The following TAF4B variants were observed in gnomAD, a reference collection of about 807,000 sequenced individuals.
The protein encoded by TAF4B is TATA-box binding protein associated factor 4b.
Under a neutral mutation model 86.4 loss-of-function variants are expected in TAF4B, and 38 were observed. The ratio of observed to expected loss-of-function variants is 0.44; its 90% CI spans 0.34 to 0.58. The LOEUF is 0.58. Among genes scored for constraint, TAF4B ranks in the 20% least tolerant of loss-of-function variants. The pLI is 0.02. For missense variants in TAF4B, 988 were observed against 1,027.6 expected, an observed-to-expected ratio of 0.96 and a Z score of 0.53; for synonymous variants, 388 against 391.2, an observed-to-expected ratio of 0.99 and a Z score of 0.10.
rs775351522 is a variant in TAF4B, at chr18:26,321,178, A to G, written c.2111A>G (p.Gln704Arg). 1.1e-5 allele frequency: 18 copies of G among 1,613,716 alleles called. No homozygotes were observed. In the Admixed American group the frequency reaches 1.8e-4, roughly 16 times the overall value. ...GLLEKLTAIA[Q>R]HRMTTYKASE... The stretch of plus-strand genomic sequence containing the variant: ...CTAGAAAAACTGACTGCAATTGCTC[A>G]GCATCGAATGACTACTTACAAGGTA... Residue 704 changes from glutamine to arginine, a missense_variant, in exon 11 of 15, where the codon CAG (glutamine) becomes CGG (arginine). Coordinates refer to ENST00000269142, the MANE Select transcript of TAF4B (RefSeq NM_005640.3).
chr18:26,301,820 T>C (rs7243169), intron 9 of TAF4B, among the ~76,000 whole-genome samples: 12,945 of 152,208 alleles, frequency 0.085, 1,680 homozygotes, highest in African/African-American at 0.28. Flanking sequence ...CTTGTCTCTC[T>C]CTCTCCTCAT....
chr18:26,250,205 A>T (rs770565172), intron 1 of TAF4B, among the ~76,000 whole-genome samples: 1 of 152,058 alleles, frequency 6.6e-6, no homozygotes, highest in South Asian at 2.1e-4. Context: ...AGCTAATTAT[A>T]AAAATTTTTG....
intron 1 of TAF4B, among the ~76,000 whole-genome samples, chr18:26,244,722 C>G (rs1338701011): frequency 6.6e-6 from 1 of 152,120 alleles, no homozygotes; most frequent in Non-Finnish European, 1.5e-5. Context: ...GAAATTTATA[C>G]TAGAAATTAT....
intron 1 of TAF4B, among the ~76,000 whole-genome samples, chr18:26,234,412 C>A (rs1156582405): frequency 6.6e-6 from 1 of 152,232 alleles, no homozygotes; most frequent in Non-Finnish European, 1.5e-5. Flanking sequence ...CCCTTTCTTT[C>A]CGTATTGCAG....
chr18:26,252,441 C>T (rs1330894254), intron 1 of TAF4B, among the ~76,000 whole-genome samples: 2 of 152,152 alleles, frequency 1.3e-5, no homozygotes, highest in Non-Finnish European at 2.9e-5. Context: ...AGTAGTTCCT[C>T]TTCCCTTATC....
chr18:26,309,890 G>A (rs972739392), intron 9 of TAF4B, among the ~76,000 whole-genome samples: 3 of 151,968 alleles, frequency 2.0e-5, no homozygotes, highest in East Asian at 1.9e-4. Context: ...GTGCAGTGGC[G>A]CGATCTCAGT....
intron 11 of TAF4B, among the ~76,000 whole-genome samples, chr18:26,322,376 A>G (rs1460756575): frequency 6.6e-6 from 1 of 151,980 alleles, no homozygotes; most frequent in Non-Finnish European, 1.5e-5. Flanking sequence ...TGACTTAGGA[A>G]TATGTGATCA....
chr18:26,275,086 G>T, intron 5 of TAF4B, 33 bp downstream of exon 5: 1 of 1,579,242 alleles, frequency 6.3e-7, no homozygotes, highest in Non-Finnish European at 8.6e-7. Flanking sequence ...GCAAATTCTG[G>T]AGGAATCCAT....
intron 11 of TAF4B, among the ~76,000 whole-genome samples, chr18:26,325,702 A>G (rs1034205846): frequency 3.3e-5 from 5 of 152,224 alleles, no homozygotes; most frequent in African/African-American, 9.6e-5. Flanking sequence ...AAACACAAAA[A>G]TGGTAAAGAT....
chr18:26,232,873 TA>T (rs1303345338), intron 1 of TAF4B, among the ~76,000 whole-genome samples: 4 of 152,176 alleles, frequency 2.6e-5, no homozygotes, highest in Non-Finnish European at 4.4e-5. Context: ...ATGAAGTAGA[TA>T]AACTGGCTAT....
chr18:26,248,837 T>A (rs2055961062), intron 1 of TAF4B, among the ~76,000 whole-genome samples: 1 of 133,618 alleles, frequency 7.5e-6, no homozygotes, highest in Non-Finnish European at 1.6e-5. Context: ...TAATCTCCTT[T>A]TTAAATGTCA....
At chr18:26,272,531 T>C (rs907679058) in intron 3 of TAF4B, among the ~76,000 whole-genome samples, 2 of 152,078 alleles carry the variant, frequency 1.3e-5, no homozygotes, top group African/African-American at 4.8e-5. Context: ...ATTCCATAAA[T>C]GCCCCCTCTA....
At chr18:26,289,469 G>GTTTGT (rs1405486172) in intron 7 of TAF4B, among the ~76,000 whole-genome samples, 3 of 151,922 alleles carry the variant, frequency 2.0e-5, no homozygotes, top group Admixed American at 2.0e-4. Flanking sequence ...CGTTTGTTTT[G>GTTTGT]TTTGTTTTGT....
intron 13 of TAF4B, among the ~76,000 whole-genome samples, chr18:26,348,028 G>C (rs1047783904): frequency 2.0e-5 from 3 of 152,102 alleles, no homozygotes; most frequent in African/African-American, 4.8e-5. Flanking sequence ...GAAAATCAAC[G>C]AAGAAACATT....
intron 12 of TAF4B, among the ~76,000 whole-genome samples, chr18:26,332,726 C>T (rs77323790): frequency 0.076 from 11,503 of 152,154 alleles, 539 homozygotes; most frequent in Non-Finnish European, 0.1. Flanking sequence ...GACGGGGTTT[C>T]ACCATGTTGG....
intron 3 of TAF4B, among the ~76,000 whole-genome samples, chr18:26,273,801 T>C (rs1036018788): frequency 1.3e-5 from 2 of 152,226 alleles, no homozygotes; most frequent in African/African-American, 2.4e-5. Context: ...TTGACTATTA[T>C]AGAAGGAAAT....
At chr18:26,277,584 T>C (rs1283884280) in intron 5 of TAF4B, among the ~76,000 whole-genome samples, 3 of 152,190 alleles carry the variant, frequency 2.0e-5, no homozygotes, top group Non-Finnish European at 4.4e-5. Context: ...TTTTGTGATA[T>C]GTTATTTTTT....
chr18:26,389,568 A>T (rs1326535708), intron 14 of TAF4B, among the ~76,000 whole-genome samples: 1 of 152,254 alleles, frequency 6.6e-6, no homozygotes, highest in African/African-American at 2.4e-5. Context: ...TGCACTGGAA[A>T]GAATGGAGCA....
chr18:26,308,335 G>C (rs1042321526), intron 9 of TAF4B, among the ~76,000 whole-genome samples: 2 of 152,162 alleles, frequency 1.3e-5, no homozygotes, highest in African/African-American at 4.8e-5. Context: ...AAGTCTTTCA[G>C]AGTTTTTAGT....
Sources: allele counts gnomAD v4.1 joint callset (sites outside exome capture counted in the v4.1 genomes callset), GRCh38; gene constraint gnomAD v4.1.1; transcripts MANE v1.5; gene names NCBI Gene and HGNC (gene_info 2026-07-23, HGNC 2026-07-21).